CUX2: variants seen among roughly 807,000 people sequenced by gnomAD.
CUX2 encodes cut like homeobox 2.
CUX2 carries 40 observed loss-of-function variants against 144.8 expected under a neutral mutation model. The observed-to-expected ratio is 0.28, with a 90% CI of 0.21 to 0.36. The LOEUF is 0.36. CUX2 is among the 10% of genes least tolerant of loss of function. CUX2 has a pLI of 1.00. For synonymous variants in CUX2, 827 were observed against 875.6 expected, an observed-to-expected ratio of 0.94 and a Z score of 0.98; for missense variants, 1,615 against 1,994.0, an observed-to-expected ratio of 0.81 and a Z score of 3.62.
chr12:111,066,090 C>T (rs1180049104), intron 1 of CUX2, among the ~76,000 whole-genome samples: 1 of 152,202 alleles, frequency 6.6e-6, no homozygotes, highest in Admixed American at 6.5e-5. Flanking sequence ...GATCCACATA[C>T]TCGCTGAGTG....
At chr12:111,193,533 T>C (rs927908682) in intron 1 of CUX2, among the ~76,000 whole-genome samples, 6 of 152,218 alleles carry the variant, frequency 3.9e-5, no homozygotes, top group Admixed American at 1.3e-4. Flanking sequence ...GGGAACAAAT[T>C]CTGAAATTTC....
chr12:111,167,718 G>A (rs764923381), intron 1 of CUX2, among the ~76,000 whole-genome samples: 1 of 151,518 alleles, frequency 6.6e-6, no homozygotes, highest in Non-Finnish European at 1.5e-5. Flanking sequence ...TTTTTGAGAT[G>A]GAGTCTTGCT....
chr12:111,348,294 A>T lies in CUX2; in HGVS notation c.4430A>T (p.Asn1477Ile). The change falls in exon 22 of 22, where the codon AAT (asparagine) becomes ATT (isoleucine). Residue 1477 changes from asparagine to isoleucine, a missense_variant. Around this residue, in one of 12 missense-constraint regions of CUX2, gnomAD observed 298 missense variants for 330.4 expected, o/e 0.90. Transcript: ENST00000261726. ...ATTTACCGAGTAGAGCGGGCTGCCA[A>T]TCGGGAGGAGGCCCTGGAGTGGGAG... ...NIIYRVERAA[N>I]REEALEWEF The T allele has an allele frequency of 6.2e-7, 1 of 1,612,942 alleles. No individual in the cohort carries two copies. Among genetic ancestry groups the T allele is most frequent in the Non-Finnish European group, 8.5e-7 (1 of 1,179,658 alleles).
chr12:111,197,477 G>T (rs1470737216), intron 1 of CUX2, among the ~76,000 whole-genome samples: 1 of 152,220 alleles, frequency 6.6e-6, no homozygotes, highest in Non-Finnish European at 1.5e-5. Context: ...GCACAGAGGG[G>T]ATGCTCCTTA....
In CUX2 at chr12:111,307,090, C is replaced by T. The variant is rs527685575; in HGVS notation, c.1028C>T (p.Thr343Met). The change falls in exon 11 of 22, where the codon ACG becomes ATG. Residue 343 changes from threonine to methionine, a missense_variant. Coordinates refer to ENST00000261726, the MANE Select transcript of CUX2 (RefSeq NM_015267.4). This position sits in a 1 kb window ranked among gnomAD's most constrained non-coding sequence, Gnocchi z 4.1. ...NQIADLERQL[T>M]AKSEAIEKLE... ...ATCGCCGACCTGGAGCGGCAGCTCA[C>T]GGCCAAGTCCGAGGCCATAGAAGTG... 2.7e-5 allele frequency: 44 copies of T among 1,612,662 alleles called. No homozygotes were observed. Among genetic ancestry groups the T allele is most frequent in the Admixed American group, 2.3e-4 (14 of 59,936 alleles).
At chr12:111,268,232 G>GT (rs1261850587) in intron 4 of CUX2, among the ~76,000 whole-genome samples, 2 of 142,480 alleles carry the variant, frequency 1.4e-5, no homozygotes, top group Non-Finnish European at 3.0e-5. Flanking sequence ...TTTGTTTTTT[G>GT]TTTTTTTTAA....
At chr12:111,311,156 G>T (rs187683197) in intron 15 of CUX2, among the ~76,000 whole-genome samples, 1 of 152,302 alleles carries the variant, frequency 6.6e-6, no homozygotes, top group Non-Finnish European at 1.5e-5. Flanking sequence ...CCTGTGCCCC[G>T]GTTTCTGCAT....
intron 1 of CUX2, among the ~76,000 whole-genome samples, chr12:111,202,126 T>C (rs1188396652): frequency 6.6e-6 from 1 of 152,200 alleles, no homozygotes; most frequent in Non-Finnish European, 1.5e-5. Flanking sequence ...CATTGACGAA[T>C]GAATGAGTGA....
In CUX2 at chr12:111,098,018, C is replaced by T. The variant is rs1004546836; in HGVS notation, c.63+63778C>T. Among the ~76,000 whole-genome samples, 44 of 152,098 alleles carry T rather than the reference C, an allele frequency of 2.9e-4. 1 individual carries two copies. The highest frequency in any genetic ancestry group is 7.7e-4 in the African/African-American group (32 of 41,410). The stretch of plus-strand genomic sequence containing the variant: ...AGAGCTACAGGAAGCCATTGAAGGG[C>T]GTAAGCTTGGGACAGTAGTGACAGG... On this transcript the variant is annotated intron_variant, in intron 1 of 21. Transcript: ENST00000261726.
chr12:111,048,957 A>G (rs1422554843), intron 1 of CUX2, among the ~76,000 whole-genome samples: 1 of 152,086 alleles, frequency 6.6e-6, no homozygotes, highest in Non-Finnish European at 1.5e-5. Flanking sequence ...ATCATCCATC[A>G]TCCACTCATC....
rs1271159329 is a variant in CUX2 at position 111,068,772 on chromosome 12, G to T, written c.63+34532G>T. Among the ~76,000 whole-genome samples the T allele has an allele frequency of 1.3e-5, 2 of 152,200 alleles. No homozygotes were observed. Among genetic ancestry groups the T allele is most frequent in the African/African-American group, 4.8e-5 (2 of 41,456 alleles). ...ACGGGGTGCCGGTAATGCCCCCATG[G>T]CCCTCCTGTTGGACAGGAGGGGAAA... On this transcript the variant is annotated intron_variant, in intron 1 of 21. Coordinates refer to ENST00000261726, the MANE Select transcript of CUX2 (RefSeq NM_015267.4). The surrounding 1 kb of genome is among the most constrained non-coding windows in gnomAD (Gnocchi z 4.9).
At chr12:111,211,474 T>A (rs1881223464) in intron 1 of CUX2, among the ~76,000 whole-genome samples, 1 of 152,214 alleles carries the variant, frequency 6.6e-6, no homozygotes, top group Admixed American at 6.5e-5. Flanking sequence ...TATCCTGCTC[T>A]GCAATTTCCT....
At chr12:111,266,735 G>A (rs539330142) in intron 4 of CUX2, among the ~76,000 whole-genome samples, 5 of 152,312 alleles carry the variant, frequency 3.3e-5, no homozygotes, top group African/African-American at 1.2e-4. Context: ...CCCCCAGTTG[G>A]TGGTGCTTTT....
chr12:111,327,048 CA>C (rs1887855840), intron 18 of CUX2, among the ~76,000 whole-genome samples: 1 of 152,188 alleles, frequency 6.6e-6, no homozygotes, highest in South Asian at 2.1e-4. Flanking sequence ...CCCACCGCCC[CA>C]AAAAGGAACC....
chr12:111,120,036 C>T (rs1045141919), intron 1 of CUX2, among the ~76,000 whole-genome samples: 2 of 151,820 alleles, frequency 1.3e-5, no homozygotes, highest in African/African-American at 4.8e-5. Flanking sequence ...CCAGCCTGGG[C>T]GACAGAGTGA....
chr12:111,331,626 C>T (rs575029438), intron 18 of CUX2, among the ~76,000 whole-genome samples: 5 of 152,126 alleles, frequency 3.3e-5, no homozygotes, highest in South Asian at 4.2e-4. Flanking sequence ...GGAGGTCTCT[C>T]GATGGCCCCA....
At chr12:111,103,260 A>G (rs1026234072) in intron 1 of CUX2, among the ~76,000 whole-genome samples, 2 of 152,192 alleles carry the variant, frequency 1.3e-5, no homozygotes, top group African/African-American at 4.8e-5. Context: ...GGGTTCGGGA[A>G]CGACCTGGCA....
intron 1 of CUX2, among the ~76,000 whole-genome samples, chr12:111,045,712 T>C (rs1272734523): frequency 1.3e-5 from 2 of 152,228 alleles, no homozygotes; most frequent in African/African-American, 4.8e-5. Flanking sequence ...CAGATCTTGC[T>C]TCAGACCCCG....
intron 1 of CUX2, among the ~76,000 whole-genome samples, chr12:111,041,952 C>T (rs909893423): frequency 2.0e-5 from 3 of 152,212 alleles, no homozygotes; most frequent in African/African-American, 7.2e-5. Flanking sequence ...GGAGCCCACA[C>T]CCCCAAAAGT....
Sources: gnomAD v4.1 joint callset for allele counts (sites outside exome capture counted in the v4.1 genomes callset) on GRCh38, gnomAD v4.1.1 for gene constraint, gnomAD v4.1.1 regional missense constraint, Gnocchi (gnomAD v3.1) non-coding constraint, MANE v1.5 for transcripts, NCBI Gene and HGNC (gene_info 2026-07-23, HGNC 2026-07-21) for gene names.